BAZ1B: variants seen among roughly 807,000 people sequenced by gnomAD.
The protein encoded by BAZ1B is tyrosine-protein kinase BAZ1B.
Under a neutral mutation model 153.8 loss-of-function variants are expected in BAZ1B, and 22 were observed. The ratio of observed to expected loss-of-function variants is 0.14; its 90% CI spans 0.10 to 0.20. The LOEUF is 0.20. Ranked by LOEUF, BAZ1B falls within the 10% of genes least tolerant of loss-of-function variation. BAZ1B has a pLI of 1.00. For synonymous variants in BAZ1B, 676 were observed against 633.4 expected, an observed-to-expected ratio of 1.07 and a Z score of -1.01; for missense variants, 1,325 against 1,799.3, an observed-to-expected ratio of 0.74 and a Z score of 4.77.
rs988494053 is a variant in BAZ1B at position 73,522,176 on chromosome 7, C to T, written c.-243G>A. On this transcript the variant is annotated 5_prime_UTR_variant, in exon 1 of 20. Coordinates refer to ENST00000339594, the MANE Select transcript of BAZ1B (RefSeq NM_032408.4). Reference sequence around the variant, plus strand: ...CGCCTCCCAGCAGCCCCCCGCCGACCTCCGCTTCGGGTCCCGGCGGCCGGC... The same window carrying T: ...CGCCTCCCAGCAGCCCCCCGCCGACTTCCGCTTCGGGTCCCGGCGGCCGGC... 3 of 395,066 alleles carry T rather than the reference C, an allele frequency of 7.6e-6. No individual in the cohort carries two copies. Among genetic ancestry groups the T allele is most frequent in the Admixed American group, 4.4e-5 (1 of 22,518 alleles). 24.5% of individuals were successfully genotyped at this position (395,066 alleles called of 1,614,324 possible). A position where few individuals can be genotyped will look rare whatever the true frequency, so the allele number is the denominator to read the frequency against.
At position 73,465,501 on chromosome 7, in the gene BAZ1B, C is replaced by G. The variant is rs779930627; in HGVS notation, c.3009G>C (p.Leu1003Phe). 137 of 1,609,596 alleles carry G rather than the reference C, an allele frequency of 8.5e-5. No individual in the cohort carries two copies. The highest frequency in any genetic ancestry group is 1.2e-4 in the Non-Finnish European group (136 of 1,178,170). ...LCDSQKELDE[L>F]LNCLHPQGIR... is the part of the protein sequence containing the mutation. ...TTCCCTGAGGGTGAAGACAGTTTAGCAACTCATCCAGCTCCTTTTGACTAT... is the reference window on the plus strand; with the variant it reads ...TTCCCTGAGGGTGAAGACAGTTTAGGAACTCATCCAGCTCCTTTTGACTAT... Residue 1003 changes from leucine to phenylalanine, a missense_variant, in exon 11 of 20, where the codon TTG becomes TTC. Physicochemically the swap from Leu to Phe is conservative, Grantham distance 22. Transcript: ENST00000339594.
chr7:73,521,265 G>A (rs1554580137), intron 1 of BAZ1B, among the ~76,000 whole-genome samples: 3 of 151,952 alleles, frequency 2.0e-5, no homozygotes, highest in South Asian at 4.2e-4. Flanking sequence ...CTGCCCCAGG[G>A]TCCTGTCAGT....
intron 7 of BAZ1B, among the ~76,000 whole-genome samples, chr7:73,473,232 G>C (rs1468915547): frequency 1.3e-5 from 2 of 152,192 alleles, no homozygotes; most frequent in African/African-American, 4.8e-5. Context: ...GAGCCACCGA[G>C]CCTGGCCTGT....
intron 7 of BAZ1B, among the ~76,000 whole-genome samples, chr7:73,474,312 A>G (rs2116327618): frequency 6.6e-6 from 1 of 152,364 alleles, no homozygotes; most frequent in East Asian, 1.9e-4. Flanking sequence ...TTCAGAGGCA[A>G]AACTATTAAG....
chr7:73,467,067 G>A (rs1348885283), intron 9 of BAZ1B, among the ~76,000 whole-genome samples: 1 of 152,012 alleles, frequency 6.6e-6, no homozygotes, highest in East Asian at 1.9e-4. Flanking sequence ...CGAGTGGCTG[G>A]GATTACAGGC....
intron 9 of BAZ1B, 90 bp from the exon 10 acceptor site, chr7:73,466,491 T>C: frequency 2.5e-6 from 2 of 787,038 alleles, no homozygotes; most frequent in African/African-American, 1.7e-5. Context: ...AACTCAACAA[T>C]TTGTAACAAC....
chr7:73,487,009 A>G (rs1554574569), intron 6 of BAZ1B, among the ~76,000 whole-genome samples: 1 of 152,226 alleles, frequency 6.6e-6, no homozygotes, highest in East Asian at 1.9e-4. Context: ...AGGTAGGGAA[A>G]ACAAATAATA....
intron 4 of BAZ1B, among the ~76,000 whole-genome samples, chr7:73,494,789 G>A (rs1472721515): frequency 1.3e-5 from 2 of 152,142 alleles, no homozygotes; most frequent in Non-Finnish European, 2.9e-5. Context: ...CTGTAATACA[G>A]AAGGAAAGAG....
chr7:73,486,340 T>C (rs547283878), intron 6 of BAZ1B, among the ~76,000 whole-genome samples: 1 of 152,230 alleles, frequency 6.6e-6, no homozygotes, highest in East Asian at 1.9e-4. Flanking sequence ...TTTATTTATT[T>C]ATTTGAGACA....
chr7:73,521,788 G>A lies in BAZ1B; in HGVS notation c.107+39C>T, dbSNP rs782303584. ...GAGCCCCAGGCCCTACCCCGGCCCA[G>A]CCCGGCCCAGCCCGGCCCGCGCGGC... is the stretch of plus-strand genomic sequence containing the variant. On this transcript the variant is annotated intron_variant, in intron 1 of 19. Transcript: ENST00000339594. The A allele has an allele frequency of 4.1e-6, 6 of 1,462,686 alleles. 1 individual carries two copies. Among genetic ancestry groups the A allele is most frequent in the Middle Eastern group, 3.5e-4 (2 of 5,670 alleles). 90.6% of individuals were successfully genotyped at this position (1,462,686 alleles called of 1,614,324 possible).
Position 73,442,705 on chromosome 7 carries a change from C to A in BAZ1B, c.4094+20G>T, listed in dbSNP as rs781954871. The A allele has an allele frequency of 3.2e-5, 52 of 1,610,744 alleles. No homozygotes were observed. The highest frequency in any genetic ancestry group is 5.3e-5 in the African/African-American group (4 of 74,814). ...AGCCAGGCCACTCCTCTCCCCTGCA[C>A]CTGAGAACACAGCACTCACCTGAAG... On this transcript the variant is annotated intron_variant, in intron 18 of 19. Transcript: ENST00000339594.
chr7:73,461,524 C>T (rs1391027016), intron 12 of BAZ1B, among the ~76,000 whole-genome samples: 2 of 151,994 alleles, frequency 1.3e-5, no homozygotes, highest in African/African-American at 4.8e-5. Context: ...ACATCTGAAA[C>T]CTGCAAGATC....
chr7:73,510,210 A>T (rs1790522831), intron 2 of BAZ1B, among the ~76,000 whole-genome samples: 1 of 151,894 alleles, frequency 6.6e-6, no homozygotes. Flanking sequence ...CGGGAGGATC[A>T]CGAGGTCAGG....
At chr7:73,521,759 T>C in intron 1 of BAZ1B, 68 bp downstream of exon 1, 1 of 1,341,120 alleles carries the variant, frequency 7.5e-7, no homozygotes, top group Non-Finnish European at 1.0e-6. Context: ...TGACCTGGTC[T>C]CGCGAGCCCC....
At chr7:73,473,451 G>A (rs1554572329) in intron 7 of BAZ1B, among the ~76,000 whole-genome samples, 1 of 152,128 alleles carries the variant, frequency 6.6e-6, no homozygotes, top group East Asian at 1.9e-4. Flanking sequence ...CTACTCAGGA[G>A]GCTGAGGCAC....
At chr7:73,456,030 C>T (rs1160332113) in intron 13 of BAZ1B, among the ~76,000 whole-genome samples, 2 of 152,080 alleles carry the variant, frequency 1.3e-5, no homozygotes, top group African/African-American at 2.4e-5. Flanking sequence ...ATTTTACTTA[C>T]CTCTCATTTT....
chr7:73,504,912 G>A (rs1371225980), intron 3 of BAZ1B, among the ~76,000 whole-genome samples: 3 of 152,132 alleles, frequency 2.0e-5, no homozygotes, highest in Admixed American at 6.6e-5. Flanking sequence ...AGATAGAAAG[G>A]AGTCAGAGTA....
intron 13 of BAZ1B, among the ~76,000 whole-genome samples, chr7:73,452,574 T>C (rs555774678): frequency 6.6e-6 from 1 of 151,762 alleles, no homozygotes; most frequent in South Asian, 2.1e-4. Context: ...ATACAAAAAT[T>C]AGGCGGGTGT....
At chr7:73,505,271 CT>C (rs1423301566) in intron 3 of BAZ1B, among the ~76,000 whole-genome samples, 2 of 152,158 alleles carry the variant, frequency 1.3e-5, no homozygotes, top group African/African-American at 4.8e-5. Context: ...TATTCCCTCA[CT>C]CTGAATACAG....
Sources: allele counts gnomAD v4.1 joint callset (sites outside exome capture counted in the v4.1 genomes callset), GRCh38; gene constraint gnomAD v4.1.1; transcripts MANE v1.5; gene names NCBI Gene and HGNC (gene_info 2026-07-23, HGNC 2026-07-21).